Variants in MAGI2 observed in about 807,000 individuals in gnomAD.
MAGI2 encodes the protein membrane associated guanylate kinase, WW and PDZ domain containing 2.
In MAGI2, 35 loss-of-function variants were observed where a neutral mutation model predicts 133.3. That is an observed-to-expected ratio of 0.26 (90% CI 0.20 to 0.35). The LOEUF is 0.35. Ranked by LOEUF, MAGI2 falls within the 10% of genes least tolerant of loss-of-function variation. The probability of loss-of-function intolerance (pLI) is 1.00; values close to 1 mark genes in which losing one functional copy is unlikely to be tolerated. For synonymous variants in MAGI2, 729 were observed against 710.6 expected (o/e 1.03, Z -0.41); for missense variants, 1,636 against 1,863.4 (o/e 0.88, Z 2.25).
intron 4 of MAGI2, chr7:78,518,187 A>G (rs1413838417): frequency 6.6e-6 from 1 of 152,236 alleles, no homozygotes; most frequent in Non-Finnish European, 1.5e-5. Flanking sequence ...TTCACTGTAC[A>G]TGATTTCAGG....
chr7:78,373,722 G>A (rs920669569), intron 6 of MAGI2, among the ~76,000 whole-genome samples: 1 of 152,054 alleles, frequency 6.6e-6, no homozygotes, highest in African/African-American at 2.4e-5. Context: ...GTAGCACAGA[G>A]CAGTTTTTCA....
At chr7:78,446,709 T>C (rs1488227879) in intron 6 of MAGI2, among the ~76,000 whole-genome samples, 2 of 38,204 alleles carry the variant, frequency 5.2e-5, no homozygotes, top group East Asian at 2.9e-3. Flanking sequence ...TTTTAAAAGG[T>C]TCATTAATAC....
chr7:79,148,818 CAT>C (rs1172894431), intron 1 of MAGI2, among the ~76,000 whole-genome samples: 7 of 147,666 alleles, frequency 4.7e-5, no homozygotes, highest in Admixed American at 1.4e-4. Flanking sequence ...GGTGGTTATC[CAT>C]ATATATATAT....
chr7:78,835,644 C>T (rs750237366), intron 2 of MAGI2, among the ~76,000 whole-genome samples: 2 of 152,014 alleles, frequency 1.3e-5, no homozygotes, highest in Non-Finnish European at 2.9e-5. Flanking sequence ...TTCCTCACTC[C>T]CAGGAAGGAG....
intron 5 of MAGI2, among the ~76,000 whole-genome samples, chr7:78,497,657 G>A (rs1417748615): frequency 2.0e-5 from 3 of 151,940 alleles, no homozygotes; most frequent in Non-Finnish European, 2.9e-5. Context: ...TGTTTAATAC[G>A]TCTTTTAAAA....
At chr7:79,213,238 GTATATATGTGGGTGTGTATA>G (rs759052181) in intron 1 of MAGI2, among the ~76,000 whole-genome samples, 1,866 of 144,052 alleles carry the variant, frequency 0.013, 11 homozygotes, top group Non-Finnish European at 0.02. Flanking sequence ...GTGTGTGTGT[GTATATATGTGGGTGTGTATA>G]TATATATGTG....
chr7:79,408,511 T>C (rs1041627888), intron 1 of MAGI2, among the ~76,000 whole-genome samples: 2 of 152,058 alleles, frequency 1.3e-5, no homozygotes, highest in African/African-American at 4.8e-5. Context: ...AGGAAAAAAC[T>C]ATGGCCTATT....
In MAGI2 at chr7:78,532,707, T is replaced by G. The variant is rs554125995; in HGVS notation, c.539-11062A>C. On this transcript the variant is annotated intron_variant, in intron 3 of 21. Transcript: ENST00000354212. ...GTTAACATTAGCAGCAATTTAGATG[T>G]AAGTAGTACTAACGCATAAGTCAGA... Among the ~76,000 whole-genome samples the G allele has an allele frequency of 6.6e-5, 10 of 152,354 alleles. No individual in the cohort carries two copies. In the South Asian group the frequency reaches 2.1e-3, roughly 32 times the overall value.
intron 10 of MAGI2, among the ~76,000 whole-genome samples, chr7:78,240,153 G>A (rs1790986631): frequency 6.6e-6 from 1 of 152,096 alleles, no homozygotes; most frequent in South Asian, 2.1e-4. Context: ...CCCCTGATAG[G>A]CCCCAGTGTG....
intron 3 of MAGI2, among the ~76,000 whole-genome samples, chr7:78,576,198 T>A (rs1802248793): frequency 6.6e-6 from 1 of 152,014 alleles, no homozygotes; most frequent in Non-Finnish European, 1.5e-5. Context: ...AATGCTTTTT[T>A]TTTTTCTTGT....
At chr7:78,785,863 C>A (rs191217934) in intron 2 of MAGI2, among the ~76,000 whole-genome samples, 2 of 152,298 alleles carry the variant, frequency 1.3e-5, no homozygotes, top group Admixed American at 6.5e-5. Flanking sequence ...AGGACAGTCA[C>A]TTTTTCACTC....
At chr7:78,671,262 T>A (rs1371932141) in intron 2 of MAGI2, among the ~76,000 whole-genome samples, 1 of 146,476 alleles carries the variant, frequency 6.8e-6, no homozygotes, top group African/African-American at 2.6e-5. Flanking sequence ...AAACATAATT[T>A]AATTGTGTCT....
At chr7:78,451,550 T>C (rs1444797294) in intron 6 of MAGI2, among the ~76,000 whole-genome samples, 1 of 152,084 alleles carries the variant, frequency 6.6e-6, no homozygotes, top group Non-Finnish European at 1.5e-5. Context: ...CTCTTTGGAT[T>C]TGAATCCTGA....
In MAGI2 at chr7:79,393,025, TG is replaced by T. The variant is rs576331809; in HGVS notation, c.301+59994del. Reference sequence around the variant, plus strand: ...TAGAACATGAACTAAAGTAGAAAAATGATTGGTACTCATCAAAAAACAATAC... The same window carrying T: ...TAGAACATGAACTAAAGTAGAAAAATATTGGTACTCATCAAAAAACAATAC... On this transcript the variant is annotated intron_variant, in intron 1 of 21. Transcript: ENST00000354212. Among the ~76,000 whole-genome samples, 961 of 152,276 alleles carry T rather than the reference TG, an allele frequency of 6.3e-3. 3 individuals are homozygous for T. Among genetic ancestry groups the T allele is most frequent in the Non-Finnish European group, 0.011 (748 of 68,002 alleles).
chr7:78,123,167 GTGTTT>G (rs754031557), intron 20 of MAGI2, among the ~76,000 whole-genome samples: 6 of 152,106 alleles, frequency 3.9e-5, no homozygotes, highest in East Asian at 3.9e-4. Context: ...TTCACAGATT[GTGTTT>G]TGTTTTATCT....
At chr7:79,190,305 T>G (rs1394513688) in intron 1 of MAGI2, among the ~76,000 whole-genome samples, 1 of 151,868 alleles carries the variant, frequency 6.6e-6, no homozygotes, top group Non-Finnish European at 1.5e-5. Flanking sequence ...GTGTTTTAAG[T>G]TTTAGGCATT....
chr7:78,083,393 AG>A lies in MAGI2; in HGVS notation c.3568-4309del, dbSNP rs1816246756. On this transcript the variant is annotated intron_variant, in intron 20 of 21. Coordinates refer to ENST00000354212, the MANE Select transcript of MAGI2 (RefSeq NM_012301.4). ...GGGGGAGGGAGGGAGGGGGGGAGAG[AG>A]AGAGAGAGAGAGAGAGAGAGAGAGA... Among the ~76,000 whole-genome samples, 3 of 25,666 alleles carry A rather than the reference AG, an allele frequency of 1.2e-4. 1 individual carries two copies. The highest frequency in any genetic ancestry group is 2.1e-4 in the Non-Finnish European group (3 of 13,972). The allele number at this position is 25,666 out of a possible 152,430, so 16.8% of individuals were successfully genotyped here.
chr7:78,871,804 A>G (rs528076154), intron 2 of MAGI2, among the ~76,000 whole-genome samples: 1 of 152,100 alleles, frequency 6.6e-6, no homozygotes, highest in East Asian at 1.9e-4. Context: ...TAAGAGTTTC[A>G]TAATTATATA....
intron 2 of MAGI2, among the ~76,000 whole-genome samples, chr7:78,739,779 C>T (rs73152443): frequency 0.044 from 6,654 of 152,236 alleles, 216 homozygotes; most frequent in Non-Finnish European, 0.067. Context: ...CGCCGCAAAT[C>T]AGTAAAACTG....
Sources: allele counts gnomAD v4.1 joint callset (sites outside exome capture counted in the v4.1 genomes callset), GRCh38; gene constraint gnomAD v4.1.1; transcripts MANE v1.5; gene names NCBI Gene and HGNC (gene_info 2026-07-23, HGNC 2026-07-21).